Variants in CRADD observed in about 807,000 individuals in gnomAD.
CRADD encodes the protein death domain-containing protein CRADD.
A neutral mutation model predicts 15.5 loss-of-function variants in CRADD; 9 were observed. The observed-to-expected ratio is 0.58, with a 90% CI of 0.35 to 1.01. The LOEUF is 1.01. Ranked by LOEUF, CRADD falls within the 50% of genes least tolerant of loss-of-function variation. CRADD has a pLI of 0.02. For synonymous variants in CRADD, 118 were observed against 107.6 expected, an observed-to-expected ratio of 1.10 and a Z score of -0.60; for missense variants, 227 against 250.3, an observed-to-expected ratio of 0.91 and a Z score of 0.63.
chr12:93,773,726 T>C (rs564104099), intron 2 of CRADD, among the ~76,000 whole-genome samples: 1 of 151,538 alleles, frequency 6.6e-6, no homozygotes, highest in Non-Finnish European at 1.5e-5. Context: ...TGAACATGGA[T>C]TGTGCAGAAG....
rs553924377 is a variant in CRADD, at chr12:93,874,318, C to T, written c.299-19732C>T. Reference sequence around the variant, plus strand: ...CCTTTTTCAATTCTGATTTTATTTGCATCTTTTCTCTTTTTTTCTTAGTCT... The same window carrying T: ...CCTTTTTCAATTCTGATTTTATTTGTATCTTTTCTCTTTTTTTCTTAGTCT... On this transcript the variant is annotated intron_variant, in intron 2 of 2. Transcript: ENST00000548483. 2.0e-5 allele frequency among the ~76,000 whole-genome samples: 3 copies of T among 151,696 alleles called. No homozygotes were observed. In the South Asian group the frequency reaches 6.2e-4, roughly 32 times the overall value.
chr12:93,689,619 C>A (rs140560725), intron 2 of CRADD, among the ~76,000 whole-genome samples: 67 of 152,200 alleles, frequency 4.4e-4, no homozygotes, highest in African/African-American at 1.5e-3. Context: ...GTTGACAATT[C>A]CTGGAAATGT....
At chr12:93,884,139 G>C (rs1000003347) in intron 2 of CRADD, among the ~76,000 whole-genome samples, 17 of 152,194 alleles carry the variant, frequency 1.1e-4, no homozygotes, top group Non-Finnish European at 1.2e-4. Context: ...GGGACTGTCT[G>C]GGGAGGCTGG....
At chr12:93,784,119 C>A (rs1271158899) in intron 2 of CRADD, among the ~76,000 whole-genome samples, 1 of 152,072 alleles carries the variant, frequency 6.6e-6, no homozygotes, top group Non-Finnish European at 1.5e-5. Context: ...ACAATTTATG[C>A]CCTAGAGATG....
At chr12:93,738,758 A>G (rs867760901) in intron 2 of CRADD, 3 of 263,554 alleles carry the variant, frequency 1.1e-5, no homozygotes, top group African/African-American at 2.2e-5. Flanking sequence ...TTCAAACAGA[A>G]TAAAAATAAT....
chr12:93,818,094 T>C (rs1322863419), intron 2 of CRADD, among the ~76,000 whole-genome samples: 1 of 152,088 alleles, frequency 6.6e-6, no homozygotes, highest in East Asian at 1.9e-4. Context: ...CATGAACCGA[T>C]GTATAAATCA....
At chr12:93,786,412 AC>A (rs1957278227) in intron 2 of CRADD, among the ~76,000 whole-genome samples, 1 of 152,198 alleles carries the variant, frequency 6.6e-6, no homozygotes, top group Non-Finnish European at 1.5e-5. Flanking sequence ...TTTCCTGAAG[AC>A]TGCGGGTACT....
intron 2 of CRADD, among the ~76,000 whole-genome samples, chr12:93,803,307 C>G (rs1390543079): frequency 5.9e-5 from 9 of 152,146 alleles, no homozygotes; most frequent in African/African-American, 2.2e-4. Flanking sequence ...TCTTCCTTTT[C>G]CCTTCAGGCT....
chr12:93,749,728 T>G (rs1462818638), intron 2 of CRADD, among the ~76,000 whole-genome samples: 1 of 152,202 alleles, frequency 6.6e-6, no homozygotes, highest in Non-Finnish European at 1.5e-5. Flanking sequence ...TTTTATCTAT[T>G]TATCTCCCAA....
chr12:93,705,111 A>G (rs903636231), intron 2 of CRADD, among the ~76,000 whole-genome samples: 1 of 152,248 alleles, frequency 6.6e-6, no homozygotes, highest in South Asian at 2.1e-4. Flanking sequence ...CCTTCTCTAG[A>G]CTGTAAGCTC....
chr12:93,883,193 T>C (rs1958514679), intron 2 of CRADD, among the ~76,000 whole-genome samples: 1 of 152,222 alleles, frequency 6.6e-6, no homozygotes, highest in African/African-American at 2.4e-5. Flanking sequence ...GAGGGCAGGT[T>C]TGAAGATAAT....
chr12:93,870,290 G>C (rs1188357775), intron 2 of CRADD, among the ~76,000 whole-genome samples: 1 of 152,140 alleles, frequency 6.6e-6, no homozygotes, highest in Admixed American at 6.5e-5. Flanking sequence ...ATATTGGTAA[G>C]AACACTGACA....
chr12:93,680,060 A>G (rs544274147), intron 2 of CRADD, among the ~76,000 whole-genome samples: 1 of 152,198 alleles, frequency 6.6e-6, no homozygotes, highest in Non-Finnish European at 1.5e-5. Context: ...GAGAAGAGAG[A>G]AACAGTTCTG....
chr12:93,682,849 T>A (rs1450526710), intron 2 of CRADD, among the ~76,000 whole-genome samples: 1 of 152,124 alleles, frequency 6.6e-6, no homozygotes, highest in East Asian at 1.9e-4. Context: ...AAGTTGTTAA[T>A]GGATCATTGG....
chr12:93,727,991 C>G (rs1034651531), intron 2 of CRADD, among the ~76,000 whole-genome samples: 2 of 152,200 alleles, frequency 1.3e-5, no homozygotes, highest in African/African-American at 4.8e-5. Context: ...TCCTCTAACA[C>G]AGAACTTGCG....
chr12:93,863,202 G>A (rs1958331246), intron 2 of CRADD, among the ~76,000 whole-genome samples: 3 of 152,036 alleles, frequency 2.0e-5, no homozygotes, highest in South Asian at 2.1e-4. Context: ...GTCTCTGGTC[G>A]TTGTCAGATG....
intron 2 of CRADD, among the ~76,000 whole-genome samples, chr12:93,800,784 G>C (rs928920670): frequency 6.6e-6 from 1 of 152,106 alleles, no homozygotes; most frequent in Admixed American, 6.6e-5. Context: ...TACTCAATCT[G>C]TTGATTCAAA....
chr12:93,827,939 GT>G (rs1295072660), intron 2 of CRADD, among the ~76,000 whole-genome samples: 1 of 152,120 alleles, frequency 6.6e-6, no homozygotes, highest in Non-Finnish European at 1.5e-5. Context: ...GTTTCTATGA[GT>G]TTGACTATAT....
intron 2 of CRADD, among the ~76,000 whole-genome samples, chr12:93,832,426 C>T (rs1156882942): frequency 2.0e-5 from 3 of 152,096 alleles, no homozygotes; most frequent in Non-Finnish European, 4.4e-5. Flanking sequence ...GCCTTCTTAG[C>T]GTTACTGATA....
Sources: gnomAD v4.1 joint callset for allele counts (sites outside exome capture counted in the v4.1 genomes callset) on GRCh38, gnomAD v4.1.1 for gene constraint, MANE v1.5 for transcripts, NCBI Gene and HGNC (gene_info 2026-07-23, HGNC 2026-07-21) for gene names.